The following SVIL variants were observed in gnomAD, a reference collection of about 807,000 sequenced individuals.
SVIL encodes the protein supervillin, also known as archvillin.
A neutral mutation model predicts 240.4 loss-of-function variants in SVIL; 101 were observed. The ratio of observed to expected loss-of-function variants is 0.42; its 90% CI spans 0.36 to 0.50. SVIL has a LOEUF of 0.50. Ranked by LOEUF, SVIL falls within the 20% of genes least tolerant of loss-of-function variation. The probability of loss-of-function intolerance (pLI) is 0.01; values close to 1 mark genes in which losing one functional copy is unlikely to be tolerated. For synonymous variants in SVIL, 999 were observed against 1,100.0 expected, an observed-to-expected ratio of 0.91 and a Z score of 1.82; for missense variants, 2,512 against 2,818.7, an observed-to-expected ratio of 0.89 and a Z score of 2.46.
intron 29 of SVIL, among the ~76,000 whole-genome samples, chr10:29,478,768 G>GA (rs1295795141): frequency 6.7e-6 from 1 of 150,054 alleles, no homozygotes; most frequent in Non-Finnish European, 1.5e-5. Flanking sequence ...AAAAAAAAAA[G>GA]AAAAAATTAG....
chr10:29,639,862 TCA>T (rs1210019644), upstream of SVIL, among the ~76,000 whole-genome samples: 1 of 152,172 alleles, frequency 6.6e-6, no homozygotes, highest in East Asian at 1.9e-4. Flanking sequence ...CTTTATCTTC[TCA>T]GTTTCCATAA....
chr10:29,641,188 G>A (rs1037897491), intron 3 of SVIL, among the ~76,000 whole-genome samples: 40 of 152,020 alleles, frequency 2.6e-4, no homozygotes, highest in Admixed American at 6.6e-4. Flanking sequence ...TGGAAGGACC[G>A]AAGCAAGGAG....
rs560026823 is a variant in SVIL, at chr10:29,654,839, A to G, written c.-201+3130T>C. On this transcript the variant is annotated intron_variant, in intron 3 of 35. Coordinates refer to the SVIL transcript ENST00000375400. ...CCACTGGTGCACATGCCAGAGTCCA[A>G]AGGACAGAGGACCTGGAGCTCTGAT... Among the ~76,000 whole-genome samples the G allele has an allele frequency of 2.6e-5, 4 of 152,306 alleles. No homozygotes were observed. The South Asian group carries it at 8.3e-4, about 32-fold the overall frequency.
intron 1 of SVIL, among the ~76,000 whole-genome samples, chr10:29,688,833 G>C (rs899204790): frequency 6.6e-6 from 1 of 152,120 alleles, no homozygotes; most frequent in African/African-American, 2.4e-5. Flanking sequence ...TGTGCTATCA[G>C]CTATTAGGAA....
At chr10:29,688,603 A>T (rs1474655745) in intron 1 of SVIL, among the ~76,000 whole-genome samples, 2 of 152,190 alleles carry the variant, frequency 1.3e-5, no homozygotes, top group African/African-American at 4.8e-5. Context: ...GGCAAAAGTC[A>T]TTTGAGCACT....
intron 1 of SVIL, among the ~76,000 whole-genome samples, chr10:29,721,100 A>G (rs1057069601): frequency 1.1e-4 from 17 of 152,254 alleles, no homozygotes; most frequent in African/African-American, 4.1e-4. Flanking sequence ...CACCCGCCTC[A>G]GCCTCCCAAA....
At position 29,486,514 on chromosome 10, in the gene SVIL, C is replaced by A; in HGVS notation, c.4529G>T (p.Gly1510Val). The part of the protein sequence containing the change: ...ATLIQTKREL[G>V]CRATYIQTIE... ...GGTTTGGATATAAGTAGCTCTACAA[C>A]CAAGTTCCCTCTTTGTCTGAATTAA... is the stretch of plus-strand genomic sequence containing the variant. The change falls in exon 25 of 38, where the codon GGT becomes GTT. Residue 1510 changes from glycine to valine, a missense_variant. By Grantham distance (109) the Gly-to-Val change is moderately radical (BLOSUM62 -3). Coordinates refer to ENST00000355867, the MANE Select transcript of SVIL (RefSeq NM_021738.3). 1 of 1,614,130 alleles carries A rather than the reference C, an allele frequency of 6.2e-7. No homozygotes were observed. Among genetic ancestry groups the A allele is most frequent in the South Asian group, 1.1e-5 (1 of 91,068 alleles).
chr10:29,663,906 C>T (rs1034041826), intron 2 of SVIL, among the ~76,000 whole-genome samples: 5 of 152,300 alleles, frequency 3.3e-5, no homozygotes, highest in East Asian at 1.9e-4. Context: ...TAGCAACTGA[C>T]GCCAAGGGCA....
In SVIL at chr10:29,724,370, AACAC is replaced by A. The variant is rs9299624; in HGVS notation, c.-400+11377_-400+11380del. ...TCATTCTTTTTTTATGAGGATTTAA[AACAC>A]ACACACACACACACACACACACATA... On this transcript the variant is annotated intron_variant, in intron 1 of 35. Transcript: ENST00000375400. Among the ~76,000 whole-genome samples the A allele has an allele frequency of 2.1e-4, 31 of 146,140 alleles. 1 individual carries two copies. Among genetic ancestry groups the A allele is most frequent in the Admixed American group, 6.2e-4 (9 of 14,594 alleles).
At chr10:29,688,490 A>G (rs1004897298) in intron 1 of SVIL, among the ~76,000 whole-genome samples, 2 of 152,260 alleles carry the variant, frequency 1.3e-5, no homozygotes, top group Non-Finnish European at 2.9e-5. Flanking sequence ...CTATTTGCCC[A>G]GCTTGGCAGC....
At chr10:29,542,657 T>C (rs1334241465) in intron 6 of SVIL, among the ~76,000 whole-genome samples, 1 of 152,236 alleles carries the variant, frequency 6.6e-6, no homozygotes, top group Non-Finnish European at 1.5e-5. Flanking sequence ...CTTAAGTATT[T>C]ATTCTTTGTG....
intron 1 of SVIL, among the ~76,000 whole-genome samples, chr10:29,604,362 G>C (rs1461021081): frequency 1.2e-4 from 11 of 88,550 alleles, no homozygotes; most frequent in Admixed American, 2.5e-4. Flanking sequence ...ACCATGTCTG[G>C]CTTTTTTTTT....
At chr10:29,495,392 G>A (rs1236871617) in intron 18 of SVIL, among the ~76,000 whole-genome samples, 22 of 152,054 alleles carry the variant, frequency 1.4e-4, no homozygotes, top group Non-Finnish European at 2.9e-4. Flanking sequence ...TCCAAGGACT[G>A]TAGTGGCTGA....
At chr10:29,470,519 C>G in intron 31 of SVIL, 36 bp from the exon 32 acceptor site, 2 of 1,611,474 alleles carry the variant, frequency 1.2e-6, no homozygotes, top group Non-Finnish European at 1.7e-6. Flanking sequence ...GGAGTTAGCA[C>G]GTGAGCGAGT....
intron 6 of SVIL, among the ~76,000 whole-genome samples, chr10:29,545,853 C>CAAAAAA (rs755360700): frequency 3.6e-3 from 227 of 63,172 alleles, no homozygotes; most frequent in East Asian, 5.4e-3. Flanking sequence ...GACTCTGTCT[C>CAAAAAA]AAAAAAAAAA....
intron 1 of SVIL, among the ~76,000 whole-genome samples, chr10:29,710,018 A>G (rs1963169517): frequency 1.3e-5 from 2 of 151,668 alleles, no homozygotes; most frequent in Admixed American, 6.6e-5. Flanking sequence ...CCTCAGCCCT[A>G]GAGGGAGGGG....
chr10:29,553,937 G>C (rs1953642241), intron 5 of SVIL, among the ~76,000 whole-genome samples: 1 of 152,170 alleles, frequency 6.6e-6, no homozygotes, highest in East Asian at 1.9e-4. Flanking sequence ...AGAACCTTGA[G>C]AGGCCCCTAT....
chr10:29,694,966 G>T (rs1039598137), intron 1 of SVIL, among the ~76,000 whole-genome samples: 1 of 152,186 alleles, frequency 6.6e-6, no homozygotes, highest in African/African-American at 2.4e-5. Context: ...CTGCAGGGTT[G>T]AGCGCTCCTC....
At chr10:29,677,004 G>A (rs978520593) in intron 2 of SVIL, among the ~76,000 whole-genome samples, 1 of 152,072 alleles carries the variant, frequency 6.6e-6, no homozygotes, top group African/African-American at 2.4e-5. Flanking sequence ...CAAAGTAACT[G>A]GATCAACTAC....
Sources: allele counts gnomAD v4.1 joint callset (sites outside exome capture counted in the v4.1 genomes callset), GRCh38; gene constraint gnomAD v4.1.1; transcripts MANE v1.5; gene names NCBI Gene and HGNC (gene_info 2026-07-23, HGNC 2026-07-21).